The following FTO variants were observed in gnomAD, a reference collection of about 807,000 sequenced individuals.
FTO encodes the protein alpha-ketoglutarate-dependent dioxygenase FTO.
A neutral mutation model predicts 63.9 loss-of-function variants in FTO; 47 were observed. The observed-to-expected ratio is 0.74, with a 90% confidence interval of 0.58 to 0.94. The LOEUF (loss-of-function observed/expected upper bound fraction) is 0.94, where lower values mean the gene tolerates loss of function less well. FTO is among the 40% of genes least tolerant of loss of function. The probability of loss-of-function intolerance (pLI) is 0.00; values close to 1 mark genes in which losing one functional copy is unlikely to be tolerated. For synonymous variants in FTO, 207 were observed against 224.4 expected, an observed-to-expected ratio of 0.92 and a Z score of 0.69; for missense variants, 562 against 618.1, an observed-to-expected ratio of 0.91 and a Z score of 0.96.
At chr16:53,855,836 T>G in intron 4 of FTO, among the ~76,000 whole-genome samples, 1 of 152,214 alleles carries the variant, frequency 6.6e-6, no homozygotes, top group Non-Finnish European at 1.5e-5. Context: ...TACATTCCCT[T>G]CTAAATTTTT....
At chr16:53,973,922 C>T (rs112140226) in intron 8 of FTO, among the ~76,000 whole-genome samples, 4 of 152,206 alleles carry the variant, frequency 2.6e-5, no homozygotes, top group East Asian at 1.9e-4. Flanking sequence ...AGAGCATATA[C>T]CTCATTTAAA....
chr16:53,846,952 T>G (rs1237434546), intron 4 of FTO, among the ~76,000 whole-genome samples: 5 of 152,146 alleles, frequency 3.3e-5, no homozygotes, highest in Non-Finnish European at 5.9e-5. Context: ...GAGTCTGAAA[T>G]GAAGAAAGAA....
chr16:54,108,440 G>A (rs1358982483), intron 8 of FTO, among the ~76,000 whole-genome samples: 2 of 152,162 alleles, frequency 1.3e-5, no homozygotes, highest in South Asian at 2.1e-4. Context: ...ATGTCAAAAT[G>A]TGATAGGATC....
At chr16:53,726,155 G>A (rs2076148232) in intron 1 of FTO, among the ~76,000 whole-genome samples, 1 of 137,328 alleles carries the variant, frequency 7.3e-6, no homozygotes, top group African/African-American at 2.9e-5. Context: ...TGAATCATTT[G>A]TGGACTACGA....
chr16:53,864,332 C>T (rs1197236655), intron 4 of FTO, among the ~76,000 whole-genome samples: 1 of 152,018 alleles, frequency 6.6e-6, no homozygotes, highest in Non-Finnish European at 1.5e-5. Flanking sequence ...GACAGCAAAC[C>T]CAAGGAAGTA....
intron 1 of FTO, among the ~76,000 whole-genome samples, chr16:53,741,680 A>C (rs1238216259): frequency 1.3e-5 from 2 of 152,214 alleles, no homozygotes; most frequent in Admixed American, 6.5e-5. Flanking sequence ...CATTCTCAGC[A>C]TGCAATTTCA....
intron 8 of FTO, among the ~76,000 whole-genome samples, chr16:53,984,669 A>T (rs1238206841): frequency 6.6e-6 from 1 of 152,134 alleles, no homozygotes; most frequent in African/African-American, 2.4e-5. Flanking sequence ...CAGTATTCAC[A>T]TTGCCTTTCC....
chr16:53,929,727 TCGC>T (rs1439748291), intron 7 of FTO, among the ~76,000 whole-genome samples: 1 of 152,226 alleles, frequency 6.6e-6, no homozygotes, highest in Non-Finnish European at 1.5e-5. Flanking sequence ...AAATTGTGTT[TCGC>T]AGTGCCTTGG....
intron 8 of FTO, among the ~76,000 whole-genome samples, chr16:53,936,254 C>A (rs1446682611): frequency 6.6e-6 from 1 of 152,300 alleles, no homozygotes; most frequent in African/African-American, 2.4e-5. Flanking sequence ...TAACAGCTGA[C>A]ACTGTGCAGA....
intron 8 of FTO, among the ~76,000 whole-genome samples, chr16:54,008,805 A>T (rs1426563338): frequency 7.1e-6 from 1 of 141,008 alleles, no homozygotes; most frequent in Non-Finnish European, 1.5e-5. Context: ...CTGTCTCCAC[A>T]AATAATAATA....
At chr16:53,863,495 G>T (rs2080230537) in intron 4 of FTO, among the ~76,000 whole-genome samples, 1 of 152,214 alleles carries the variant, frequency 6.6e-6, no homozygotes, top group Non-Finnish European at 1.5e-5. Flanking sequence ...TTGTCTTTAT[G>T]TGGATGCTTG....
At position 53,967,183 on chromosome 16, in the gene FTO, A is replaced by G. The variant is rs1177125691; in HGVS notation, c.1364+33074A>G. Among the ~76,000 whole-genome samples, 13 of 151,966 alleles carry G rather than the reference A, an allele frequency of 8.6e-5. No individual in the cohort carries two copies. In the East Asian group the frequency reaches 2.5e-3, roughly 29 times the overall value. On this transcript the variant is annotated intron_variant, in intron 8 of 8. Transcript: ENST00000471389. ...GGGATGAATTGTTTCTCTCTCTTCC[A>G]TCCCCTAGGTTACTGTTTGTGCTCT...
chr16:53,748,639 A>G (rs2076705612), intron 1 of FTO, among the ~76,000 whole-genome samples: 2 of 152,070 alleles, frequency 1.3e-5, no homozygotes, highest in Admixed American at 6.5e-5. Context: ...TATATTTAGT[A>G]CAGACAGGGT....
intron 8 of FTO, among the ~76,000 whole-genome samples, chr16:54,050,726 G>A (rs1490054503): frequency 1.3e-5 from 2 of 152,124 alleles, no homozygotes; most frequent in African/African-American, 4.8e-5. Flanking sequence ...CTAGACAGTT[G>A]GCATGACCGC....
intron 4 of FTO, among the ~76,000 whole-genome samples, chr16:53,871,551 G>A (rs997263598): frequency 6.6e-6 from 1 of 152,060 alleles, no homozygotes; most frequent in African/African-American, 2.4e-5. Flanking sequence ...AAAGAGAGAT[G>A]TGACTACCTC....
intron 7 of FTO, among the ~76,000 whole-genome samples, chr16:53,927,010 C>T (rs924064016): frequency 6.6e-6 from 1 of 152,022 alleles, no homozygotes; most frequent in Admixed American, 6.6e-5. Context: ...GGCTTCATGA[C>T]GAAAGCCTAA....
chr16:53,795,107 A>C lies in FTO; in HGVS notation c.46-15033A>C, dbSNP rs550473971. Among the ~76,000 whole-genome samples the C allele has an allele frequency of 2.0e-5, 3 of 152,324 alleles. No homozygotes were observed. In the East Asian group the frequency reaches 5.8e-4, roughly 29 times the overall value. ...CTCCCAAGATATGCAGAAATGGAAG[A>C]GGAACAACGACATGAAAAAGAACCA... On this transcript the variant is annotated intron_variant, in intron 1 of 8. Coordinates refer to ENST00000471389, the MANE Select transcript of FTO (RefSeq NM_001080432.3).
intron 8 of FTO, among the ~76,000 whole-genome samples, chr16:53,953,992 A>AT (rs1285275962): frequency 6.6e-6 from 1 of 152,208 alleles, no homozygotes; most frequent in Non-Finnish European, 1.5e-5. Flanking sequence ...AAACAACAGC[A>AT]TTTTCTACCT....
At chr16:53,816,381 C>T (rs918702833) in intron 2 of FTO, among the ~76,000 whole-genome samples, 1 of 152,158 alleles carries the variant, frequency 6.6e-6, no homozygotes, top group Non-Finnish European at 1.5e-5. Flanking sequence ...CACTTTCTTG[C>T]TCAAAGCCCT....
Sources: gnomAD v4.1 joint callset for allele counts (sites outside exome capture counted in the v4.1 genomes callset) on GRCh38, gnomAD v4.1.1 for gene constraint, MANE v1.5 for transcripts, NCBI Gene and HGNC (gene_info 2026-07-23, HGNC 2026-07-21) for gene names.